RPRD1B: variants seen among roughly 807,000 people sequenced by gnomAD.
RPRD1B encodes the protein regulation of nuclear pre-mRNA domain containing 1B, also known as regulation of nuclear pre-mRNA domain-containing protein 1B.
In RPRD1B, 11 loss-of-function variants were observed where a neutral mutation model predicts 41.5. That is an observed-to-expected ratio of 0.27 (90% CI 0.17 to 0.44). The LOEUF is 0.44. Ranked by LOEUF, RPRD1B falls within the 20% of genes least tolerant of loss-of-function variation. The probability of loss-of-function intolerance (pLI) is 1.00; values close to 1 mark genes in which losing one functional copy is unlikely to be tolerated. For missense variants in RPRD1B, 248 were observed against 389.9 expected, an observed-to-expected ratio of 0.64 and a Z score of 3.06; for synonymous variants, 158 against 155.6, an observed-to-expected ratio of 1.02 and a Z score of -0.12.
rs146641775 is a variant in RPRD1B at position 38,062,384 on chromosome 20, A to G, written c.655+2864A>G. Among the ~76,000 whole-genome samples the G allele has an allele frequency of 8.4e-3, 1,281 of 152,204 alleles. 10 individuals are homozygous for G. Among genetic ancestry groups the G allele is most frequent in the African/African-American group, 0.025 (1,047 of 41,492 alleles). On this transcript the variant is annotated intron_variant, in intron 5 of 6. Coordinates refer to ENST00000373433, the MANE Select transcript of RPRD1B (RefSeq NM_021215.4). The stretch of plus-strand genomic sequence containing the variant: ...GAATGATTTCCTAATTTACATCTCT[A>G]GTGTTGACCCTTCCACCTTGAACTT...
chr20:38,033,891 CT>C lies in RPRD1B; in HGVS notation c.-55del. 1 of 1,517,088 alleles carries C rather than the reference CT, an allele frequency of 6.6e-7. No individual in the cohort carries two copies. Among genetic ancestry groups the C allele is most frequent in the Non-Finnish European group, 8.8e-7 (1 of 1,131,590 alleles). 94.0% of individuals were successfully genotyped at this position (1,517,088 alleles called of 1,614,324 possible). A position where few individuals can be genotyped will look rare whatever the true frequency, so the allele number is the denominator to read the frequency against. The stretch of plus-strand genomic sequence containing the variant: ...GAGGCCCCGGCCTCGTGCCGTCGCT[CT>C]TCCCGCCGCACTGGGCGGCCCAGGC... On this transcript the variant is annotated 5_prime_UTR_variant, in exon 1 of 7. Transcript: ENST00000373433.
intron 1 of RPRD1B, 56 bp downstream of exon 1, chr20:38,034,154 T>C: frequency 1.3e-6 from 2 of 1,571,462 alleles, no homozygotes; most frequent in East Asian, 4.5e-5. Context: ...CTCGCCCACA[T>C]ACAACCTAGG....
At position 38,090,366 on chromosome 20, in the gene RPRD1B, C is replaced by T; in HGVS notation, c.*491C>T. The T allele has an allele frequency of 1.0e-6, 1 of 986,436 alleles. No individual in the cohort carries two copies. The highest frequency in any genetic ancestry group is 1.7e-5 in the African/African-American group (1 of 57,356). The allele number at this position is 986,436 out of a possible 1,614,324, so 61.1% of individuals were successfully genotyped here. On this transcript the variant is annotated 3_prime_UTR_variant, in exon 7 of 7. Transcript: ENST00000373433. The stretch of plus-strand genomic sequence containing the variant: ...TGCATCTGCCCCAAAAGGTTGTAGG[C>T]ACAGCTGTCGTAGCGTTGCCATAAA...
chr20:38,089,889 T>C lies in RPRD1B; in HGVS notation c.*14T>C, dbSNP rs200415131. On this transcript the variant is annotated 3_prime_UTR_variant, in exon 7 of 7. Coordinates refer to ENST00000373433, the MANE Select transcript of RPRD1B (RefSeq NM_021215.4). ...TCAACTGACTAGGATGGGTGTCATG[T>C]CCCAGATTTCTGTTTGTACCAGCAG... is the stretch of plus-strand genomic sequence containing the variant. 545 of 1,607,924 alleles carry C rather than the reference T, an allele frequency of 3.4e-4. 1 individual carries two copies. Among genetic ancestry groups the C allele is most frequent in the South Asian group, 4.3e-4 (39 of 90,790 alleles).
At chr20:38,037,532 C>CA (rs2074015348) in intron 1 of RPRD1B, among the ~76,000 whole-genome samples, 1 of 152,200 alleles carries the variant, frequency 6.6e-6, no homozygotes, top group Non-Finnish European at 1.5e-5. Flanking sequence ...GACATCTGAA[C>CA]AAGTGAGTTG....
At chr20:38,076,973 GTGGTGCGATCTGGAC>G (rs1405443353) in intron 6 of RPRD1B, among the ~76,000 whole-genome samples, 2 of 126,294 alleles carry the variant, frequency 1.6e-5, no homozygotes, top group African/African-American at 6.3e-5. Context: ...CTGTAGTGCA[GTGGTGCGATCTGGAC>G]TCACTGCAAC....
At chr20:38,035,741 A>C (rs7270738) in intron 1 of RPRD1B, among the ~76,000 whole-genome samples, 2,362 of 151,790 alleles carry the variant, frequency 0.016, 54 homozygotes, top group African/African-American at 0.055. Flanking sequence ...GAGGCAGTTA[A>C]AGTCCATCTC....
intron 6 of RPRD1B, among the ~76,000 whole-genome samples, chr20:38,080,455 A>G (rs2074502439): frequency 6.6e-6 from 1 of 152,318 alleles, no homozygotes; most frequent in South Asian, 2.1e-4. Flanking sequence ...TTGAATAGAG[A>G]ATACTTTCCC....
chr20:38,089,416 A>T (rs1314655417), intron 6 of RPRD1B, among the ~76,000 whole-genome samples: 3 of 152,070 alleles, frequency 2.0e-5, no homozygotes, highest in Non-Finnish European at 4.4e-5. Context: ...GCATTTTGAA[A>T]CTTTTGAGAA....
At chr20:38,065,942 ATTGT>A (rs1273743863) in intron 5 of RPRD1B, 135 bp from the exon 6 acceptor site, 27 of 758,472 alleles carry the variant, frequency 3.6e-5, no homozygotes, top group Non-Finnish European at 5.2e-5. Flanking sequence ...TAATCAACTC[ATTGT>A]TTGTCCACAG....
intron 4 of RPRD1B, among the ~76,000 whole-genome samples, chr20:38,058,371 A>G (rs1359337892): frequency 6.6e-6 from 1 of 151,994 alleles, no homozygotes; most frequent in Non-Finnish European, 1.5e-5. Flanking sequence ...GTTGAGTTAG[A>G]CTAGGGATTA....
chr20:38,062,473 G>A (rs1325466496), intron 5 of RPRD1B, among the ~76,000 whole-genome samples: 7 of 152,130 alleles, frequency 4.6e-5, no homozygotes, highest in African/African-American at 1.7e-4. Context: ...GGCATTTCAA[G>A]CTTACTCTGC....
At chr20:38,048,671 C>T (rs1206256227) in intron 3 of RPRD1B, 190 bp downstream of exon 3, 1 of 836,108 alleles carries the variant, frequency 1.2e-6, no homozygotes, top group East Asian at 1.2e-4. Flanking sequence ...AGTATTCATG[C>T]TATTCATCCT....
At chr20:38,055,238 G>A (rs1600405914) in intron 3 of RPRD1B, among the ~76,000 whole-genome samples, 1 of 152,284 alleles carries the variant, frequency 6.6e-6, no homozygotes, top group Non-Finnish European at 1.5e-5. Context: ...GAAACATTGA[G>A]AATTAAAGTG....
Position 38,090,131 on chromosome 20 carries a change from GC to G in RPRD1B, c.*262del. 1 of 1,190,756 alleles carries G rather than the reference GC, an allele frequency of 8.4e-7. No individual in the cohort carries two copies. 73.8% of individuals were successfully genotyped at this position (1,190,756 alleles called of 1,614,324 possible). ...TTTTTCTCCCACTTCATATTTTCAT[GC>G]CCCCCTGTTGGTTTTCCATTCTTAA... On this transcript the variant is annotated 3_prime_UTR_variant, in exon 7 of 7. Transcript: ENST00000373433.
At chr20:38,051,485 C>CT (rs1179143072) in intron 3 of RPRD1B, among the ~76,000 whole-genome samples, 2 of 152,148 alleles carry the variant, frequency 1.3e-5, no homozygotes, top group African/African-American at 4.8e-5. Flanking sequence ...TACAACTACT[C>CT]TGTGAATTTG....
At chr20:38,066,406 T>C in intron 6 of RPRD1B, 150 bp downstream of exon 6, 1 of 786,318 alleles carries the variant, frequency 1.3e-6, no homozygotes, top group Non-Finnish European at 2.0e-6. Flanking sequence ...ACTGTAATTA[T>C]TTGAGCCCAG....
intron 6 of RPRD1B, among the ~76,000 whole-genome samples, chr20:38,081,260 CTTG>C (rs1300676220): frequency 8.6e-5 from 13 of 152,036 alleles, no homozygotes; most frequent in Non-Finnish European, 1.6e-4. Context: ...TTTTGTAATT[CTTG>C]TTGTCGAGAT....
intron 1 of RPRD1B, among the ~76,000 whole-genome samples, chr20:38,038,550 G>A (rs553656271): frequency 7.9e-4 from 109 of 137,770 alleles, no homozygotes; most frequent in Non-Finnish European, 1.4e-3. Context: ...AGACTGGAGT[G>A]CAGTGGTGTG....
Sources: gnomAD v4.1 joint callset for allele counts (sites outside exome capture counted in the v4.1 genomes callset) on GRCh38, gnomAD v4.1.1 for gene constraint, MANE v1.5 for transcripts, NCBI Gene and HGNC (gene_info 2026-07-23, HGNC 2026-07-21) for gene names.